SPECC1L: variants seen among roughly 807,000 people sequenced by gnomAD.
SPECC1L encodes the protein sperm antigen with calponin homology and coiled-coil domains 1 like, also known as cytospin-A.
In SPECC1L, 40 loss-of-function variants were observed where a neutral mutation model predicts 116.8. The ratio of observed to expected loss-of-function variants is 0.34; its 90% confidence interval spans 0.27 to 0.45. SPECC1L has a LOEUF of 0.45. Among genes scored for constraint, SPECC1L ranks in the 20% least tolerant of loss-of-function variants. The pLI, the probability that SPECC1L is intolerant of heterozygous loss-of-function variation, is 1.00. For synonymous variants in SPECC1L, 504 were observed against 500.6 expected, an observed-to-expected ratio of 1.01 and a Z score of -0.09; for missense variants, 1,110 against 1,373.6, an observed-to-expected ratio of 0.81 and a Z score of 3.03.
chr22:24,385,086 A>G (rs981646860), intron 14 of SPECC1L, among the ~76,000 whole-genome samples: 1 of 151,796 alleles, frequency 6.6e-6, no homozygotes, highest in African/African-American at 2.4e-5. Flanking sequence ...AGAAAAAAGA[A>G]TGTAAACTAC....
At chr22:24,282,435 G>T (rs184550917) in intron 2 of SPECC1L, among the ~76,000 whole-genome samples, 187 of 152,344 alleles carry the variant, frequency 1.2e-3, no homozygotes, top group African/African-American at 3.9e-3. Context: ...AAGGACAACT[G>T]GGAGGTTAGA....
intron 11 of SPECC1L, among the ~76,000 whole-genome samples, chr22:24,354,740 C>CA (rs558216761): frequency 1.5e-4 from 23 of 151,404 alleles, no homozygotes; most frequent in African/African-American, 5.6e-4. Context: ...CGGCTCGCTG[C>CA]AACCTGCGCC....
intron 3 of SPECC1L, among the ~76,000 whole-genome samples, chr22:24,311,631 C>G (rs560152855): frequency 1.2e-4 from 18 of 151,784 alleles, no homozygotes; most frequent in Non-Finnish European, 2.5e-4. Context: ...GTGGGAATAC[C>G]CCATCTCTAC....
At chr22:24,294,449 T>C (rs1049163370) in intron 2 of SPECC1L, among the ~76,000 whole-genome samples, 1 of 150,836 alleles carries the variant, frequency 6.6e-6, no homozygotes, top group Non-Finnish European at 1.5e-5. Context: ...CGGCACGATA[T>C]CGGCTCATTG....
rs2040720766 is a variant in SPECC1L at position 24,321,405 on chromosome 22, G to T, written c.425G>T (p.Gly142Val). 6.2e-7 allele frequency: 1 copy of T among 1,614,114 alleles called. No homozygotes were observed. The highest frequency in any genetic ancestry group is 8.5e-7 in the Non-Finnish European group (1 of 1,180,042). ...CAGAGCAAAAAACTACCTTCTGCAG[G>T]TCAGGGAGCTAATGACATGGCATTG... ...LNQSKKLPSA[G>V]QGANDMALAK... Residue 142 changes from glycine to valine, a missense_variant, in exon 5 of 17, where the codon GGT becomes GTT. This residue lies in a region of SPECC1L where 437 missense variants were observed against 482.6 expected (regional missense o/e 0.91). Coordinates refer to ENST00000314328, the MANE Select transcript of SPECC1L (RefSeq NM_015330.6).
intron 14 of SPECC1L, among the ~76,000 whole-genome samples, chr22:24,373,905 C>T (rs1456276650): frequency 6.6e-6 from 1 of 151,938 alleles, no homozygotes; most frequent in African/African-American, 2.4e-5. Flanking sequence ...CCAGAATCTA[C>T]AATGAACTCA....
chr22:24,305,210 A>G (rs1415604514), intron 3 of SPECC1L, among the ~76,000 whole-genome samples: 3 of 152,216 alleles, frequency 2.0e-5, no homozygotes, highest in Non-Finnish European at 2.9e-5. Context: ...AAAGTCCACA[A>G]AACACAGGTG....
At chr22:24,326,519 C>G (rs181399686) in intron 6 of SPECC1L, among the ~76,000 whole-genome samples, 3 of 152,262 alleles carry the variant, frequency 2.0e-5, no homozygotes, top group Admixed American at 2.0e-4. Flanking sequence ...TTTGACTCTT[C>G]GTTTGCAGGT....
rs1377885666 is a variant in SPECC1L, at chr22:24,327,289, A to AC, written c.2147-1557_2147-1556insC. ...TGAGACTCCGTCTCAAAAAAAAAAAAAAAAAAAAAAAAACATCAGAACACA... is the reference window on the plus strand; with the variant it reads ...TGAGACTCCGTCTCAAAAAAAAAAAACAAAAAAAAAAAAACATCAGAACACA... On this transcript the variant is annotated intron_variant, in intron 6 of 16. Coordinates refer to ENST00000314328, the MANE Select transcript of SPECC1L (RefSeq NM_015330.6). 2.6e-3 allele frequency among the ~76,000 whole-genome samples: 378 copies of AC among 146,646 alleles called. 3 individuals carry two copies. The highest frequency in any genetic ancestry group is 9.7e-3 in the African/African-American group (361 of 37,302).
chr22:24,347,047 G>A, intron 10 of SPECC1L, 39 bp from the exon 11 acceptor site: 1 of 1,504,892 alleles, frequency 6.6e-7, no homozygotes, highest in Admixed American at 1.7e-5. Context: ...AGTCCAAACA[G>A]TCATTTTAAC....
At chr22:24,351,248 C>T (rs2041415359) in intron 11 of SPECC1L, among the ~76,000 whole-genome samples, 1 of 152,164 alleles carries the variant, frequency 6.6e-6, no homozygotes, top group Admixed American at 6.5e-5. Flanking sequence ...GACTCAGTAG[C>T]TTGGATATGC....
intron 1 of SPECC1L, among the ~76,000 whole-genome samples, chr22:24,272,684 G>A (rs2048753266): frequency 1.3e-5 from 2 of 149,668 alleles, no homozygotes; most frequent in Non-Finnish European, 1.5e-5. Flanking sequence ...AAAAAAAACA[G>A]CTATTACAAT....
In SPECC1L at chr22:24,414,163, T is replaced by C. The variant is rs187948634; in HGVS notation, c.3265-371T>C. On this transcript the variant is annotated intron_variant, in intron 16 of 16. Coordinates refer to ENST00000314328, the MANE Select transcript of SPECC1L (RefSeq NM_015330.6). Reference sequence around the variant, plus strand: ...AGCCCCCGACAGAGAGAAATTCTCCTAGGCCAGTGCCTGGGGCTGAGAAGG... The same window carrying C: ...AGCCCCCGACAGAGAGAAATTCTCCCAGGCCAGTGCCTGGGGCTGAGAAGG... 1.4e-3 allele frequency among the ~76,000 whole-genome samples: 214 copies of C among 152,298 alleles called. 2 individuals are homozygous for C. Among genetic ancestry groups the C allele is most frequent in the African/African-American group, 4.9e-3 (205 of 41,566 alleles).
intron 11 of SPECC1L, 64 bp from the exon 12 acceptor site, chr22:24,363,197 T>C: frequency 7.1e-7 from 1 of 1,409,670 alleles, no homozygotes; most frequent in South Asian, 1.2e-5. Context: ...ACCTTCTTTG[T>C]ACCTTTATTA....
At chr22:24,301,754 A>T (rs1391792699) in intron 2 of SPECC1L, among the ~76,000 whole-genome samples, 1 of 152,136 alleles carries the variant, frequency 6.6e-6, no homozygotes, top group Non-Finnish European at 1.5e-5. Context: ...CCCATATTAT[A>T]ATATATATCA....
chr22:24,372,011 G>A (rs1299479631), intron 14 of SPECC1L, among the ~76,000 whole-genome samples: 2 of 152,124 alleles, frequency 1.3e-5, no homozygotes, highest in Admixed American at 6.5e-5. Flanking sequence ...ATGAGCCACC[G>A]CGCCCGGTCT....
At chr22:24,336,436 G>A (rs548982232) in intron 9 of SPECC1L, among the ~76,000 whole-genome samples, 45 of 152,146 alleles carry the variant, frequency 3.0e-4, no homozygotes, top group South Asian at 6.2e-4. Flanking sequence ...TAAGATGAAA[G>A]GAGAACTTTA....
At chr22:24,381,796 A>G (rs908072473) in intron 14 of SPECC1L, among the ~76,000 whole-genome samples, 4 of 152,198 alleles carry the variant, frequency 2.6e-5, no homozygotes, top group Admixed American at 1.3e-4. Context: ...AGGCAGGAGA[A>G]TGGCGTGAAA....
chr22:24,343,955 T>G (rs1023239372), intron 10 of SPECC1L, among the ~76,000 whole-genome samples: 1 of 152,126 alleles, frequency 6.6e-6, no homozygotes, highest in Non-Finnish European at 1.5e-5. Context: ...TATTTCAGAA[T>G]AAAAGTTTAA....
Sources: gnomAD v4.1 joint callset for allele counts (sites outside exome capture counted in the v4.1 genomes callset) on GRCh38, gnomAD v4.1.1 for gene constraint, gnomAD v4.1.1 regional missense constraint, MANE v1.5 for transcripts, NCBI Gene and HGNC (gene_info 2026-07-23, HGNC 2026-07-21) for gene names.